Variants in PTCD3 observed in about 807,000 individuals in gnomAD.
The protein encoded by PTCD3 is pentatricopeptide repeat domain 3.
Under a neutral mutation model 101.9 loss-of-function variants are expected in PTCD3, and 89 were observed. The ratio of observed to expected loss-of-function variants is 0.87; its 90% CI spans 0.74 to 1.04. The LOEUF (loss-of-function observed/expected upper bound fraction) is 1.04. Ranked by LOEUF, PTCD3 falls within the 50% of genes least tolerant of loss-of-function variation. The pLI is 0.00. For synonymous variants in PTCD3, 296 were observed against 278.5 expected (o/e 1.06, Z -0.63); for missense variants, 870 against 828.2 (o/e 1.05, Z -0.62).
rs1674367267 is a variant in PTCD3, at chr2:86,125,497, C to T, written c.847C>T (p.Leu283=). Residue 283 remains leucine, a synonymous_variant, in exon 11 of 24, where the codon CTA becomes TTA. Coordinates refer to ENST00000254630, the MANE Select transcript of PTCD3 (RefSeq NM_017952.6). The part of the protein sequence containing the change: ...EQALNLYTEL[L]NNRLHADVYT... ...GGCATTAAACTTGTACACTGAGTTA[C>T]TAAACAACAGACTCCATGGTGAGTT... is the stretch of plus-strand genomic sequence containing the variant. 6.2e-7 allele frequency: 1 copy of T among 1,612,076 alleles called. No homozygotes were observed. Among genetic ancestry groups the T allele is most frequent in the Admixed American group, 1.7e-5 (1 of 60,014 alleles).
At chr2:86,122,446 C>G (rs776656738) in intron 8 of PTCD3, among the ~76,000 whole-genome samples, 12 of 152,200 alleles carry the variant, frequency 7.9e-5, no homozygotes, top group Admixed American at 4.6e-4. Context: ...GGGTCTCACT[C>G]TGTCACCTAG....
chr2:86,137,054 A>G lies in PTCD3; in HGVS notation c.1893A>G (p.Val631=), dbSNP rs992329889. ...SNSPSQAIEV[V]ELASAFSLPI... is the part of the protein sequence containing the mutation. Reference sequence around the variant, plus strand: ...GCCCTTCCCAGGCCATTGAAGTAGTAGAGCTGGCAAGTGCCTTCAGCTTAC... The same window carrying G: ...GCCCTTCCCAGGCCATTGAAGTAGTGGAGCTGGCAAGTGCCTTCAGCTTAC... The change falls in exon 23 of 24, where the codon GTA becomes GTG. Residue 631 remains valine (V), a synonymous_variant. Coordinates refer to ENST00000254630, the MANE Select transcript of PTCD3 (RefSeq NM_017952.6). 3 of 1,613,734 alleles carry G rather than the reference A, an allele frequency of 1.9e-6. No homozygotes were observed. The highest frequency in any genetic ancestry group is 2.7e-5 in the African/African-American group (2 of 74,934).
rs749530016 is a variant in PTCD3 at position 86,137,468 on chromosome 2, G to A, written c.1980-1G>A. 1.2e-6 allele frequency: 2 copies of A among 1,613,432 alleles called. No individual in the cohort carries two copies. The highest frequency in any genetic ancestry group is 1.7e-6 in the Non-Finnish European group (2 of 1,179,856). On this transcript the variant is annotated splice_acceptor_variant, in intron 23 of 23. Transcript: ENST00000254630. LOFTEE classifies it high-confidence loss of function. Reference sequence around the variant, plus strand: ...AATCCTCCATTTTCTTTTCTTAACAGGGAAGCCCTAAGTAATCTAACTGCA... The same window carrying A: ...AATCCTCCATTTTCTTTTCTTAACAAGGAAGCCCTAAGTAATCTAACTGCA...
rs1222979910 is a variant in PTCD3, at chr2:86,137,261, T to C, written c.1979+121T>C. 6.0e-6 allele frequency: 8 copies of C among 1,330,610 alleles called. No homozygotes were observed. The Admixed American group carries it at 8.1e-5, about 14-fold the overall frequency. The allele number at this position is 1,330,610 out of a possible 1,614,324, so 82.4% of individuals were successfully genotyped here. ...TTTCAAAAAGTCAGAATGTAGTAATTTAATGACTATTTCATTTGTCATGCA... is the reference window on the plus strand; with the variant it reads ...TTTCAAAAAGTCAGAATGTAGTAATCTAATGACTATTTCATTTGTCATGCA... On this transcript the variant is annotated intron_variant, in intron 23 of 23. Coordinates refer to ENST00000254630, the MANE Select transcript of PTCD3 (RefSeq NM_017952.6).
chr2:86,125,687 G>C, intron 11 of PTCD3, 108 bp from the exon 12 acceptor site: 1 of 1,055,322 alleles, frequency 9.5e-7, no homozygotes, highest in Non-Finnish European at 1.4e-6. Context: ...CCAGTTTTGT[G>C]GACATGTGAT....
intron 10 of PTCD3, 94 bp downstream of exon 10, chr2:86,125,176 G>T (rs1302822401): frequency 1.3e-6 from 2 of 1,530,736 alleles, no homozygotes; most frequent in Non-Finnish European, 1.8e-6. Context: ...GTAATTTGTT[G>T]TGGGGTCTGT....
intron 21 of PTCD3, among the ~76,000 whole-genome samples, chr2:86,135,399 G>T (rs1343444992): frequency 6.6e-6 from 1 of 152,194 alleles, no homozygotes; most frequent in East Asian, 1.9e-4. Context: ...TGTGTACTTA[G>T]ACTTCTGGAA....
chr2:86,121,881 G>A (rs1424520), intron 8 of PTCD3, among the ~76,000 whole-genome samples: 121,265 of 152,136 alleles, frequency 0.8, 49,604 homozygotes, highest in South Asian at 0.89. Context: ...TTAGAGTAAT[G>A]ACATGATGTA....
Position 86,133,367 on chromosome 2 carries a change from A to G in PTCD3, c.1474A>G (p.Thr492Ala). Residue 492 changes from threonine to alanine, a missense_variant, in exon 19 of 24, where the codon ACA becomes GCA. Physicochemically the swap from Thr to Ala is moderately conservative, Grantham distance 58 (BLOSUM62 0). Coordinates refer to ENST00000254630, the MANE Select transcript of PTCD3 (RefSeq NM_017952.6). ...IPSAYFPHSQ[T>A]MIHLLQALDV... ...TCAGGCCTACTTTCCCCACTCCCAA[A>G]CAATGATACATCTTCTCCAAGCATT... The G allele has an allele frequency of 6.2e-7, 1 of 1,614,170 alleles. No individual in the cohort carries two copies. Among genetic ancestry groups the G allele is most frequent in the Non-Finnish European group, 8.5e-7 (1 of 1,180,008 alleles).
Position 86,111,149 on chromosome 2 carries a change from A to C in PTCD3, c.231A>C (p.Thr77=), listed in dbSNP as rs577263582. The C allele has an allele frequency of 6.2e-7, 1 of 1,613,458 alleles. No individual in the cohort carries two copies. Among genetic ancestry groups the C allele is most frequent in the African/African-American group, 1.3e-5 (1 of 75,036 alleles). Reference sequence around the variant, plus strand: ...CCGTTCTTCAGGCACTTGCATCCACAGTAAACAGGGTAAGTAGGATTTTGT... The same window carrying C: ...CCGTTCTTCAGGCACTTGCATCCACCGTAAACAGGGTAAGTAGGATTTTGT... ...KVAVLQALAS[T]VNRDTTAVPY... The change falls in exon 4 of 24, where the codon ACA becomes ACC. Residue 77 remains threonine (T), a synonymous_variant. Transcript: ENST00000254630.
Position 86,136,531 on chromosome 2 carries a change from GGGCTTT to G in PTCD3, c.1790_1795del (p.Gly597_Phe599delinsVal). ...TCCTTTCTTGAGCAGGAAAATGTTGGGGCTTTTCAGGAAGCATAATAAGATTCCTAG... is the reference window on the plus strand; with the variant it reads ...TCCTTTCTTGAGCAGGAAAATGTTGGTCAGGAAGCATAATAAGATTCCTAG... On this transcript the variant is annotated inframe_deletion, in exon 22 of 24. Transcript: ENST00000254630. 6.2e-7 allele frequency: 1 copy of G among 1,611,984 alleles called. No individual in the cohort carries two copies. The highest frequency in any genetic ancestry group is 8.5e-7 in the Non-Finnish European group (1 of 1,178,138).
Position 86,118,916 on chromosome 2 carries a change from C to T in PTCD3, c.415-5C>T, listed in dbSNP as rs1326836474. On this transcript the variant is annotated splice_region_variant and splice_polypyrimidine_tract_variant and intron_variant, in intron 6 of 23. Coordinates refer to ENST00000254630, the MANE Select transcript of PTCD3 (RefSeq NM_017952.6). The stretch of plus-strand genomic sequence containing the variant: ...GTAGTAACTTTAGTCATCTTGTTTT[C>T]CTAGTGTTTAATGCCTGAGTACTTT... The T allele has an allele frequency of 1.9e-6, 3 of 1,610,058 alleles. No homozygotes were observed. The highest frequency in any genetic ancestry group is 2.2e-5 in the East Asian group (1 of 44,858).
rs1442920398 is a variant in PTCD3, at chr2:86,134,934, T to C, written c.1725T>C (p.Ser575=). The C allele has an allele frequency of 3.7e-6, 6 of 1,614,066 alleles. No homozygotes were observed. In the African/African-American group the frequency reaches 6.7e-5, roughly 18 times the overall value. The change falls in exon 21 of 24, where the codon TCT becomes TCC. Residue 575 remains serine, a synonymous_variant. Transcript: ENST00000254630. ...RQTAQDWPAT[S]LNCIAILFLR... ...CTGCTCAGGATTGGCCAGCCACCTC[T>C]CTCAACTGTATAGCTATCCTCTTTT...
intron 4 of PTCD3, among the ~76,000 whole-genome samples, chr2:86,115,059 GA>G (rs1674155123): frequency 6.6e-6 from 1 of 152,168 alleles, no homozygotes; most frequent in South Asian, 2.1e-4. Flanking sequence ...TCCCAGAAGG[GA>G]AGCAGGTGTT....
At chr2:86,108,857 CATATG>C in intron 3 of PTCD3, 1 of 249,304 alleles carries the variant, frequency 4.0e-6, no homozygotes. Context: ...GAAGTTCTCT[CATATG>C]ATTCAAGAGC....
At chr2:86,134,733 A>G (rs530492258) in intron 20 of PTCD3, 106 bp from the exon 21 acceptor site, 32 of 1,289,830 alleles carry the variant, frequency 2.5e-5, no homozygotes, top group Non-Finnish European at 3.4e-5. Flanking sequence ...AATATATTCA[A>G]ATGGTAAAAT....
At chr2:86,109,766 G>A (rs2104446562) in intron 3 of PTCD3, among the ~76,000 whole-genome samples, 1 of 152,286 alleles carries the variant, frequency 6.6e-6, no homozygotes, top group East Asian at 1.9e-4. Flanking sequence ...CAGCCTGAAT[G>A]CCCATTGAAA....
chr2:86,136,587 T>C, intron 22 of PTCD3, 25 bp downstream of exon 22: 1 of 1,603,690 alleles, frequency 6.2e-7, no homozygotes, highest in Non-Finnish European at 8.5e-7. Flanking sequence ...GCCAGCTCTC[T>C]TTGGGTACAG....
intron 4 of PTCD3, among the ~76,000 whole-genome samples, chr2:86,112,681 CAAAAAAAAAA>C (rs397953846): frequency 1.2e-5 from 1 of 81,310 alleles, no homozygotes. Context: ...GACTCTGTCT[CAAAAAAAAAA>C]AAAAAAAAAA....
Sources: gnomAD v4.1 joint callset for allele counts (sites outside exome capture counted in the v4.1 genomes callset) on GRCh38, gnomAD v4.1.1 for gene constraint, MANE v1.5 for transcripts, NCBI Gene and HGNC (gene_info 2026-07-23, HGNC 2026-07-21) for gene names.